KCTD8: variants seen among roughly 807,000 people sequenced by gnomAD.
KCTD8 encodes the protein potassium channel tetramerization domain containing 8.
Under a neutral mutation model 31.5 loss-of-function variants are expected in KCTD8, and 27 were observed. The ratio of observed to expected loss-of-function variants is 0.86; its 90% CI spans 0.63 to 1.18. The LOEUF (loss-of-function observed/expected upper bound fraction) is 1.18. Among genes scored for constraint, KCTD8 ranks in the 50% most tolerant of loss-of-function variants. The pLI, the probability that KCTD8 is intolerant of heterozygous loss-of-function variation, is 0.00. For synonymous variants in KCTD8, 290 were observed against 280.0 expected (o/e 1.04, Z -0.36); for missense variants, 658 against 647.7 (o/e 1.02, Z -0.17).
chr4:44,404,356 T>A (rs1250915011), intron 1 of KCTD8, among the ~76,000 whole-genome samples: 1 of 152,234 alleles, frequency 6.6e-6, no homozygotes, highest in African/African-American at 2.4e-5. Context: ...ATGTCTTATT[T>A]CTTCTATGTA....
intron 1 of KCTD8, among the ~76,000 whole-genome samples, chr4:44,283,452 G>A (rs766375816): frequency 2.0e-5 from 3 of 152,042 alleles, no homozygotes; most frequent in Non-Finnish European, 4.4e-5. Context: ...TAAAGGACAG[G>A]TTGACTCTCT....
At chr4:44,219,352 T>G (rs1714740713) in intron 1 of KCTD8, among the ~76,000 whole-genome samples, 1 of 152,248 alleles carries the variant, frequency 6.6e-6, no homozygotes, top group African/African-American at 2.4e-5. Context: ...CCTGACAATG[T>G]GATCTTATTT....
chr4:44,272,142 A>ATATATATATATATATATATATATATAT (rs1560412318), intron 1 of KCTD8, among the ~76,000 whole-genome samples: 15 of 135,770 alleles, frequency 1.1e-4, no homozygotes, highest in African/African-American at 5.2e-4. Flanking sequence ...TATATATATA[A>ATATATATATATATATATATATATATAT]ATGCTGAACC....
Position 44,315,673 on chromosome 4 carries a change from T to C in KCTD8, c.961+131890A>G, listed in dbSNP as rs555820995. Among the ~76,000 whole-genome samples the C allele has an allele frequency of 2.1e-5, 3 of 143,734 alleles. No homozygotes were observed. The East Asian group carries it at 6.4e-4, about 31-fold the overall frequency. 94.3% of individuals were successfully genotyped at this position (143,734 alleles called of 152,430 possible). A position where few individuals can be genotyped will look rare whatever the true frequency, so the allele number is the denominator to read the frequency against. On this transcript the variant is annotated intron_variant, in intron 1 of 1. Transcript: ENST00000360029. ...ACATAATGATATTTCTTAGTTATTC[T>C]ATGCCTGAAAAAGTGTATAATTTAC... is the stretch of plus-strand genomic sequence containing the variant.
intron 1 of KCTD8, among the ~76,000 whole-genome samples, chr4:44,428,088 T>A (rs1721390511): frequency 6.6e-6 from 1 of 151,674 alleles, no homozygotes; most frequent in Non-Finnish European, 1.5e-5. Flanking sequence ...CCAGAGCACA[T>A]GAAACATGAT....
At chr4:44,181,480 G>A (rs925841594) in intron 1 of KCTD8, among the ~76,000 whole-genome samples, 2 of 152,146 alleles carry the variant, frequency 1.3e-5, no homozygotes, top group African/African-American at 4.8e-5. Flanking sequence ...GCTCCTAACC[G>A]CGAGTGATCT....
At chr4:44,225,146 T>A (rs1366997484) in intron 1 of KCTD8, among the ~76,000 whole-genome samples, 1 of 152,224 alleles carries the variant, frequency 6.6e-6, no homozygotes, top group East Asian at 1.9e-4. Context: ...ACCTTCCTAA[T>A]CAGATAAGCT....
At chr4:44,187,958 AACACAC>A (rs143071896) in intron 1 of KCTD8, among the ~76,000 whole-genome samples, 6,529 of 144,602 alleles carry the variant, frequency 0.045, 479 homozygotes, top group African/African-American at 0.16. Context: ...GGAAGAGGTA[AACACAC>A]ACACACACAC....
At chr4:44,189,459 T>C (rs1713695003) in intron 1 of KCTD8, among the ~76,000 whole-genome samples, 1 of 135,404 alleles carries the variant, frequency 7.4e-6, no homozygotes, top group Admixed American at 7.2e-5. Context: ...CAACTAAAGG[T>C]CCTTAATATT....
chr4:44,238,840 C>T (rs2109356139), intron 1 of KCTD8, among the ~76,000 whole-genome samples: 1 of 152,226 alleles, frequency 6.6e-6, no homozygotes, highest in Admixed American at 6.5e-5. Flanking sequence ...TTATATTTTA[C>T]TTTAACTATC....
At chr4:44,278,944 C>G (rs1716823765) in intron 1 of KCTD8, among the ~76,000 whole-genome samples, 1 of 152,028 alleles carries the variant, frequency 6.6e-6, no homozygotes, top group African/African-American at 2.4e-5. Context: ...TTCTTGCACT[C>G]TTAAATTGGG....
intron 1 of KCTD8, among the ~76,000 whole-genome samples, chr4:44,379,899 T>C (rs995837490): frequency 6.6e-6 from 1 of 152,116 alleles, no homozygotes; most frequent in African/African-American, 2.4e-5. Flanking sequence ...TTTTAGTGGA[T>C]CACTTTGTAA....
intron 1 of KCTD8, among the ~76,000 whole-genome samples, chr4:44,420,245 G>A (rs1721179041): frequency 6.6e-6 from 1 of 152,030 alleles, no homozygotes; most frequent in Non-Finnish European, 1.5e-5. Flanking sequence ...AAAAAATTAT[G>A]GACAAAAGAA....
At chr4:44,229,537 C>T (rs899884259) in intron 1 of KCTD8, among the ~76,000 whole-genome samples, 19 of 152,124 alleles carry the variant, frequency 1.2e-4, no homozygotes, top group African/African-American at 4.1e-4. Flanking sequence ...GGGCAGCCCA[C>T]CCTAAGGAAA....
chr4:44,182,062 A>G (rs1326405840), intron 1 of KCTD8, among the ~76,000 whole-genome samples: 6 of 146,030 alleles, frequency 4.1e-5, no homozygotes, highest in Non-Finnish European at 9.0e-5. Context: ...CCTGGCAGCC[A>G]CCCCGTCTGA....
intron 1 of KCTD8, among the ~76,000 whole-genome samples, chr4:44,442,317 C>T (rs747599573): frequency 6.6e-6 from 1 of 151,946 alleles, no homozygotes; most frequent in Non-Finnish European, 1.5e-5. Flanking sequence ...ACAGGTATGG[C>T]AGCTCACGCC....
At chr4:44,206,420 T>C (rs1314935388) in intron 1 of KCTD8, among the ~76,000 whole-genome samples, 2 of 152,220 alleles carry the variant, frequency 1.3e-5, no homozygotes, top group Non-Finnish European at 2.9e-5. Context: ...CCACAGCATG[T>C]GTACCAAATG....
At chr4:44,320,899 T>C (rs1036127519) in intron 1 of KCTD8, among the ~76,000 whole-genome samples, 3 of 151,580 alleles carry the variant, frequency 2.0e-5, no homozygotes, top group Non-Finnish European at 4.4e-5. Context: ...TGATTGAAGA[T>C]ATTTTAAGAA....
rs546830517 is a variant in KCTD8, at chr4:44,302,277, G to A, written c.962-127027C>T. ...AAGAAAGTCATTGGTAGCTTGATGC[G>A]GATGGCATTGAATCTATAAATTACC... is the stretch of plus-strand genomic sequence containing the variant. On this transcript the variant is annotated intron_variant, in intron 1 of 1. Coordinates refer to ENST00000360029, the MANE Select transcript of KCTD8 (RefSeq NM_198353.3). 1.2e-4 allele frequency among the ~76,000 whole-genome samples: 19 copies of A among 152,128 alleles called. No individual in the cohort carries two copies. In the South Asian group the frequency reaches 1.5e-3, roughly 12 times the overall value.
Sources: allele counts gnomAD v4.1 joint callset (sites outside exome capture counted in the v4.1 genomes callset), GRCh38; gene constraint gnomAD v4.1.1; transcripts MANE v1.5; gene names NCBI Gene and HGNC (gene_info 2026-07-23, HGNC 2026-07-21).